The following TMF1 variants were observed in gnomAD, a reference collection of about 807,000 sequenced individuals.
TMF1 encodes TATA element modulatory factor.
Under a neutral mutation model 126.5 loss-of-function variants are expected in TMF1, and 71 were observed. The ratio of observed to expected loss-of-function variants is 0.56; its 90% CI spans 0.46 to 0.68. The LOEUF (loss-of-function observed/expected upper bound fraction) is 0.68. Ranked by LOEUF, TMF1 falls within the 30% of genes least tolerant of loss-of-function variation. The pLI is 0.00. For synonymous variants in TMF1, 461 were observed against 430.5 expected, an observed-to-expected ratio of 1.07 and a Z score of -0.88; for missense variants, 1,259 against 1,253.2, an observed-to-expected ratio of 1.00 and a Z score of -0.07.
rs1407930813 is a variant in TMF1, at chr3:69,026,017, T to C, written c.2838A>G (p.Leu946=). The C allele has an allele frequency of 1.2e-6, 2 of 1,613,514 alleles. No individual in the cohort carries two copies. The highest frequency in any genetic ancestry group is 1.7e-6 in the Non-Finnish European group (2 of 1,179,632). ...TCACCTGAGACAGAAAAGATGTCTGTAGTCCTGCCATATCAACACCACTTA... is the reference window on the plus strand; with the variant it reads ...TCACCTGAGACAGAAAAGATGTCTGCAGTCCTGCCATATCAACACCACTTA... ...SSISGVDMAG[L]QTSFLSQDES... is the part of the protein sequence containing the mutation. Residue 946 remains leucine, a synonymous_variant, in exon 14 of 17, where the codon CTA becomes CTG. Coordinates refer to ENST00000398559, the MANE Select transcript of TMF1 (RefSeq NM_007114.3).
chr3:69,035,618 A>G (rs1271231794), intron 8 of TMF1, among the ~76,000 whole-genome samples: 1 of 152,218 alleles, frequency 6.6e-6, no homozygotes, highest in Non-Finnish European at 1.5e-5. Flanking sequence ...ATACGTAAAT[A>G]CACAGGGATA....
At chr3:69,037,508 G>C (rs1425724555) in intron 8 of TMF1, among the ~76,000 whole-genome samples, 2 of 152,154 alleles carry the variant, frequency 1.3e-5, no homozygotes, top group African/African-American at 4.8e-5. Flanking sequence ...CGGGCATGGT[G>C]GTGGGCACCT....
At chr3:69,031,391 A>C (rs974493855) in intron 10 of TMF1, among the ~76,000 whole-genome samples, 1 of 151,852 alleles carries the variant, frequency 6.6e-6, no homozygotes, top group African/African-American at 2.4e-5. Context: ...GGTAATGGAT[A>C]TGTGGTATAG....
intron 10 of TMF1, among the ~76,000 whole-genome samples, chr3:69,032,437 G>A (rs1481916046): frequency 3.3e-5 from 5 of 152,102 alleles, no homozygotes; most frequent in African/African-American, 1.2e-4. Flanking sequence ...TTTAGTGTCA[G>A]GCGTAGAAGG....
chr3:69,035,715 G>A (rs528021600), intron 8 of TMF1, among the ~76,000 whole-genome samples: 2 of 152,026 alleles, frequency 1.3e-5, no homozygotes, highest in South Asian at 2.1e-4. Flanking sequence ...TGCAAATGTC[G>A]ATACAACATG....
rs1285400594 is a variant in TMF1, at chr3:69,020,315, A to C, written c.*2862T>G. 6.6e-6 allele frequency: 1 copy of C among 152,190 alleles called. No individual in the cohort carries two copies. Among genetic ancestry groups the C allele is most frequent in the Admixed American group, 6.5e-5 (1 of 15,286 alleles). The allele number at this position is 152,190 out of a possible 1,614,324, so 9.4% of individuals were successfully genotyped here. A position where few individuals can be genotyped will look rare whatever the true frequency, so the allele number is the denominator to read the frequency against. On this transcript the variant is annotated 3_prime_UTR_variant, in exon 17 of 17. Transcript: ENST00000398559. Reference sequence around the variant, plus strand: ...TATATTTGGTACATTCCACATGCTAAACACTGTACAACTGGCAATTCTCAA... The same window carrying C: ...TATATTTGGTACATTCCACATGCTACACACTGTACAACTGGCAATTCTCAA...
At chr3:69,051,868 TCTACACCAC>T in intron 1 of TMF1, 68 bp downstream of exon 1, 1 of 1,531,100 alleles carries the variant, frequency 6.5e-7, no homozygotes, top group Non-Finnish European at 8.8e-7. Context: ...AGGACCCCTC[TCTACACCAC>T]TTAACCTGCC....
In TMF1 at chr3:69,048,309, G is replaced by C. The variant is rs771945102; in HGVS notation, c.396C>G (p.Ser132Arg). 6.2e-7 allele frequency: 1 copy of C among 1,614,202 alleles called. No homozygotes were observed. The highest frequency in any genetic ancestry group is 1.7e-5 in the Admixed American group (1 of 60,022). The change falls in exon 2 of 17, where the codon AGC becomes AGG. Residue 132 changes from serine (S) to arginine (R), a missense_variant. By Grantham distance (110) the Ser-to-Arg change is moderately radical. Coordinates refer to ENST00000398559, the MANE Select transcript of TMF1 (RefSeq NM_007114.3). ...SQRPEEEVKS[S>R]LHESLHIGQS... is the part of the protein sequence containing the mutation. ...GGCCAATGTGCAAGGATTCATGTAAGCTGCTTTTCACTTCTTCTTCTGGTC... is the reference window on the plus strand; with the variant it reads ...GGCCAATGTGCAAGGATTCATGTAACCTGCTTTTCACTTCTTCTTCTGGTC...
At chr3:69,044,204 TATTG>T (rs1249986818) in intron 3 of TMF1, among the ~76,000 whole-genome samples, 2 of 152,192 alleles carry the variant, frequency 1.3e-5, no homozygotes, top group African/African-American at 4.8e-5. Context: ...ACAACTGTGT[TATTG>T]ATTAACACAG....
At position 69,047,398 on chromosome 3, in the gene TMF1, C is replaced by A. The variant is rs1398294914; in HGVS notation, c.1307G>T (p.Ser436Ile). The part of the protein sequence containing the change: ...KVAEQCEPAE[S>I]QPEALSEKED... ...CTTCTCAGAAAGTGCTTCTGGCTGA[C>A]TTTCAGCAGGTTCACACTGCTCAGC... Residue 436 changes from serine to isoleucine, a missense_variant, in exon 2 of 17, where the codon AGT becomes ATT. Ser to Ile is a moderately radical substitution (Grantham distance 142, BLOSUM62 -2). Coordinates refer to ENST00000398559, the MANE Select transcript of TMF1 (RefSeq NM_007114.3). 1 of 1,605,240 alleles carries A rather than the reference C, an allele frequency of 6.2e-7. No homozygotes were observed. Among genetic ancestry groups the A allele is most frequent in the Non-Finnish European group, 8.5e-7 (1 of 1,175,214 alleles).
In TMF1 at chr3:69,042,742, T is replaced by G. The variant is rs942393207; in HGVS notation, c.1684+65A>C. 3 of 1,314,254 alleles carry G rather than the reference T, an allele frequency of 2.3e-6. No homozygotes were observed. The African/African-American group carries it at 4.4e-5, about 19-fold the overall frequency. 81.4% of individuals were successfully genotyped at this position (1,314,254 alleles called of 1,614,324 possible). A position where few individuals can be genotyped will look rare whatever the true frequency, so the allele number is the denominator to read the frequency against. ...TTTTTAATTAGGAAGCATCAGCTAG[T>G]TATGTGGCAAGTACTTTTCCTGTTC... On this transcript the variant is annotated intron_variant, in intron 5 of 16. Coordinates refer to ENST00000398559, the MANE Select transcript of TMF1 (RefSeq NM_007114.3).
intron 5 of TMF1, chr3:69,042,547 T>C (rs1575817646): frequency 1.7e-6 from 1 of 577,564 alleles, no homozygotes; most frequent in East Asian, 4.0e-5. Flanking sequence ...AAAGTTTTCT[T>C]AGGGCAGCAC....
In TMF1 at chr3:69,047,897, C is replaced by T; in HGVS notation, c.808G>A (p.Glu270Lys). ...TCTTGTCTCGAGCTCGCTGAGCTCT[C>T]ACTTATTACACTTTCATGATCTAAA... ...EVLDHESVIS[E>K]SSASSRQETT... Residue 270 changes from glutamate (E) to lysine (K), a missense_variant, in exon 2 of 17, where the codon GAG becomes AAG. Glu to Lys is a moderately conservative substitution (Grantham distance 56, BLOSUM62 1). Transcript: ENST00000398559. 6.2e-7 allele frequency: 1 copy of T among 1,613,836 alleles called. No homozygotes were observed. The highest frequency in any genetic ancestry group is 1.1e-5 in the South Asian group (1 of 91,060).
chr3:69,023,375 T>C, intron 16 of TMF1, 55 bp from the exon 17 acceptor site: 1 of 1,399,770 alleles, frequency 7.1e-7, no homozygotes, highest in Non-Finnish European at 9.9e-7. Context: ...ACATCTTTAA[T>C]ATTTATATTG....
At chr3:69,035,182 A>C in intron 8 of TMF1, 67 bp from the exon 9 acceptor site, 1 of 1,289,284 alleles carries the variant, frequency 7.8e-7, no homozygotes, top group Non-Finnish European at 1.1e-6. Context: ...CCCACTAACT[A>C]CATATTTTGT....
intron 11 of TMF1, 60 bp from the exon 12 acceptor site, chr3:69,028,355 T>C (rs1302531101): frequency 3.5e-6 from 4 of 1,149,736 alleles, no homozygotes; most frequent in Non-Finnish European, 5.1e-6. Context: ...GTATAGACTA[T>C]TAAAAACTCA....
In TMF1 at chr3:69,031,801, T is replaced by C. The variant is rs1452200056; in HGVS notation, c.2401+1747A>G. Among the ~76,000 whole-genome samples, 3 of 152,228 alleles carry C rather than the reference T, an allele frequency of 2.0e-5. No individual in the cohort carries two copies. The East Asian group carries it at 5.8e-4, about 29-fold the overall frequency. On this transcript the variant is annotated intron_variant, in intron 10 of 16. Transcript: ENST00000398559. Reference sequence around the variant, plus strand: ...TTTTTAATAGCATTCCTTGGTATGTTTGTCCTGTGGCTTTGCCTATATGCT... The same window carrying C: ...TTTTTAATAGCATTCCTTGGTATGTCTGTCCTGTGGCTTTGCCTATATGCT...
At chr3:69,033,951 CTACAGG>C in intron 9 of TMF1, 4 of 291,282 alleles carry the variant, frequency 1.4e-5, no homozygotes, top group South Asian at 1.3e-4. Context: ...CCAGCTGGGA[CTACAGG>C]TACACGCCAC....
chr3:69,042,456 A>G, intron 5 of TMF1: 1 of 469,706 alleles, frequency 2.1e-6, no homozygotes, highest in South Asian at 1.6e-5. Flanking sequence ...TACTTAAGCT[A>G]GGTATTCAGA....
Sources: allele counts gnomAD v4.1 joint callset (sites outside exome capture counted in the v4.1 genomes callset), GRCh38; gene constraint gnomAD v4.1.1; transcripts MANE v1.5; gene names NCBI Gene and HGNC (gene_info 2026-07-23, HGNC 2026-07-21).